Variants in MAD1L1 observed in about 807,000 individuals in gnomAD.
MAD1L1 encodes mitotic spindle assembly checkpoint protein MAD1.
In MAD1L1, 95 loss-of-function variants were observed where a neutral mutation model predicts 96.9. That is an observed-to-expected ratio of 0.98 (90% CI 0.83 to 1.16). The LOEUF (loss-of-function observed/expected upper bound fraction) is 1.16. Ranked by LOEUF, MAD1L1 falls within the 50% of genes most tolerant of loss-of-function variation. The pLI is 0.00. For synonymous variants in MAD1L1, 473 were observed against 396.6 expected, an observed-to-expected ratio of 1.19 and a Z score of -2.29; for missense variants, 1,007 against 954.4, an observed-to-expected ratio of 1.06 and a Z score of -0.73.
intron 18 of MAD1L1, among the ~76,000 whole-genome samples, chr7:1,870,891 G>A (rs1333156950): frequency 7.3e-6 from 1 of 136,920 alleles, no homozygotes; most frequent in South Asian, 2.4e-4. Flanking sequence ...CGCCTGCCAC[G>A]ATGAACCTAC....
At chr7:1,910,995 C>T (rs1330805240) in intron 17 of MAD1L1, among the ~76,000 whole-genome samples, 2 of 152,200 alleles carry the variant, frequency 1.3e-5, no homozygotes, top group Non-Finnish European at 2.9e-5. Context: ...CTGGTCTGGG[C>T]GCATCAGTCC....
intron 17 of MAD1L1, among the ~76,000 whole-genome samples, chr7:1,930,452 C>G (rs376960429): frequency 8.5e-4 from 16 of 18,864 alleles, no homozygotes; most frequent in East Asian, 2.2e-3. Context: ...CACGTCCCCT[C>G]GCCCCATCCC....
At chr7:2,030,888 T>C (rs1783197530) in intron 12 of MAD1L1, among the ~76,000 whole-genome samples, 1 of 152,184 alleles carries the variant, frequency 6.6e-6, no homozygotes, top group Non-Finnish European at 1.5e-5. Flanking sequence ...ACCATGTCTC[T>C]CCCTTGTTCC....
intron 16 of MAD1L1, among the ~76,000 whole-genome samples, chr7:1,949,176 G>C (rs752064864): frequency 8.5e-5 from 13 of 152,216 alleles, no homozygotes; most frequent in Non-Finnish European, 1.3e-4. Flanking sequence ...CTGCGGTCCA[G>C]AGTGTGTGCA....
intron 15 of MAD1L1, among the ~76,000 whole-genome samples, chr7:1,975,106 C>A (rs1780574722): frequency 6.6e-6 from 1 of 152,222 alleles, no homozygotes; most frequent in Non-Finnish European, 1.5e-5. Context: ...TGCTGCCCAG[C>A]CAGGTGGAGG....
At chr7:1,966,145 C>A (rs1780157228) in intron 15 of MAD1L1, among the ~76,000 whole-genome samples, 1 of 152,258 alleles carries the variant, frequency 6.6e-6, no homozygotes, top group Non-Finnish European at 1.5e-5. Flanking sequence ...GCTGCCAAGG[C>A]TTCACAACCT....
At chr7:2,106,897 G>A (rs1307286650) in intron 11 of MAD1L1, among the ~76,000 whole-genome samples, 1 of 152,224 alleles carries the variant, frequency 6.6e-6, no homozygotes, top group South Asian at 2.1e-4. Flanking sequence ...AGACAGCTGA[G>A]TGCAGACCTG....
At chr7:2,019,599 G>C (rs1194701479) in intron 12 of MAD1L1, among the ~76,000 whole-genome samples, 1 of 152,240 alleles carries the variant, frequency 6.6e-6, no homozygotes, top group Non-Finnish European at 1.5e-5. Context: ...GGGCAGCAAG[G>C]AGGGCCACTT....
At chr7:2,104,470 G>A (rs2128552877) in intron 11 of MAD1L1, among the ~76,000 whole-genome samples, 1 of 151,754 alleles carries the variant, frequency 6.6e-6, no homozygotes, top group Middle Eastern at 3.4e-3. Flanking sequence ...GGTGCCTACA[G>A]GGGGCGGCTG....
intron 14 of MAD1L1, among the ~76,000 whole-genome samples, chr7:1,997,914 G>A (rs904878364): frequency 6.6e-6 from 1 of 152,178 alleles, no homozygotes; most frequent in Admixed American, 6.5e-5. Flanking sequence ...CAAAGGACGG[G>A]GCCAGGAACA....
At chr7:1,888,623 C>T (rs1237581286) in intron 18 of MAD1L1, among the ~76,000 whole-genome samples, 1 of 151,648 alleles carries the variant, frequency 6.6e-6, no homozygotes, top group East Asian at 1.9e-4. Flanking sequence ...TGTGAGCATG[C>T]ATGCGTGCAT....
At chr7:1,816,708 C>T (rs935536328) in intron 18 of MAD1L1, among the ~76,000 whole-genome samples, 4 of 152,064 alleles carry the variant, frequency 2.6e-5, no homozygotes, top group Non-Finnish European at 2.9e-5. Flanking sequence ...TTCTGCAGCC[C>T]AGAGGGCGGC....
chr7:2,055,771 G>T (rs146241230), intron 12 of MAD1L1, among the ~76,000 whole-genome samples: 26 of 151,950 alleles, frequency 1.7e-4, no homozygotes, highest in African/African-American at 6.3e-4. Flanking sequence ...TTGAGGTCAG[G>T]AGTTCGAGAC....
chr7:2,039,833 G>A (rs1317464011), intron 12 of MAD1L1, among the ~76,000 whole-genome samples: 2 of 151,914 alleles, frequency 1.3e-5, no homozygotes, highest in African/African-American at 4.8e-5. Flanking sequence ...TCTCTTCACA[G>A]GAACTTTCAC....
intron 14 of MAD1L1, among the ~76,000 whole-genome samples, chr7:1,987,375 C>T (rs1781199332): frequency 6.6e-6 from 1 of 152,234 alleles, no homozygotes; most frequent in South Asian, 2.1e-4. Context: ...CGGCAATGGC[C>T]ACTTCCCAGG....
chr7:1,841,978 C>T (rs369535856), intron 18 of MAD1L1, among the ~76,000 whole-genome samples: 6 of 152,240 alleles, frequency 3.9e-5, no homozygotes, highest in Admixed American at 6.5e-5. Flanking sequence ...CTGCTCGCCG[C>T]GCTCGGCCGC....
At chr7:1,879,084 T>C (rs1172968464) in intron 18 of MAD1L1, among the ~76,000 whole-genome samples, 2 of 152,206 alleles carry the variant, frequency 1.3e-5, no homozygotes, top group African/African-American at 4.8e-5. Context: ...AACCTGCATG[T>C]TGGAAAATAA....
intron 14 of MAD1L1, among the ~76,000 whole-genome samples, chr7:1,988,294 C>T (rs1333074709): frequency 1.3e-5 from 2 of 152,218 alleles, no homozygotes; most frequent in Non-Finnish European, 2.9e-5. Context: ...AACTCTGCCG[C>T]TGCATCAGGC....
intron 18 of MAD1L1, chr7:1,846,345 A>G (rs935488755): frequency 6.5e-6 from 1 of 152,860 alleles, no homozygotes; most frequent in African/African-American, 2.4e-5. Context: ...GACACGGGAC[A>G]TAAAGGGGGT....
Sources: gnomAD v4.1 joint callset for allele counts (sites outside exome capture counted in the v4.1 genomes callset) on GRCh38, gnomAD v4.1.1 for gene constraint, MANE v1.5 for transcripts, NCBI Gene and HGNC (gene_info 2026-07-23, HGNC 2026-07-21) for gene names.